TMCC1: variants seen among roughly 807,000 people sequenced by gnomAD.
TMCC1 encodes transmembrane and coiled-coil domains protein 1.
In TMCC1, 15 loss-of-function variants were observed where a neutral mutation model predicts 52.4. That is an observed-to-expected ratio of 0.29 (90% confidence interval 0.19 to 0.44). The LOEUF is 0.44. Among genes scored for constraint, TMCC1 ranks in the 20% least tolerant of loss-of-function variants. The pLI, the probability that TMCC1 is intolerant of heterozygous loss-of-function variation, is 1.00. For synonymous variants in TMCC1, 279 were observed against 301.9 expected (o/e 0.92, Z 0.79); for missense variants, 503 against 806.0 (o/e 0.62, Z 4.55).
intron 4 of TMCC1, among the ~76,000 whole-genome samples, chr3:129,818,280 ACTT>A (rs1278789582): frequency 6.6e-6 from 1 of 152,082 alleles, no homozygotes; most frequent in East Asian, 1.9e-4. Context: ...AAAATACAAA[ACTT>A]CTTTAAATTT....
At chr3:129,758,451 C>T (rs1174846634) in intron 4 of TMCC1, among the ~76,000 whole-genome samples, 7 of 152,332 alleles carry the variant, frequency 4.6e-5, no homozygotes. Flanking sequence ...AGCAATGACA[C>T]TCCCGTAGCA....
intron 1 of TMCC1, among the ~76,000 whole-genome samples, chr3:129,884,761 CTT>C (rs2061613627): frequency 6.6e-6 from 1 of 152,086 alleles, no homozygotes; most frequent in African/African-American, 2.4e-5. Context: ...CAGAGAAATT[CTT>C]TGAGATAAAA....
chr3:129,716,115 G>A (rs2049062038), intron 4 of TMCC1, among the ~76,000 whole-genome samples: 1 of 151,518 alleles, frequency 6.6e-6, no homozygotes, highest in Non-Finnish European at 1.5e-5. Flanking sequence ...CACTGGCAAT[G>A]AAACTCTCTC....
chr3:129,694,507 A>T (rs1257635868), intron 4 of TMCC1, among the ~76,000 whole-genome samples: 2 of 152,216 alleles, frequency 1.3e-5, no homozygotes, highest in African/African-American at 4.8e-5. Context: ...TCTTAGTCAC[A>T]AGATGAGATA....
intron 3 of TMCC1, among the ~76,000 whole-genome samples, chr3:129,830,188 A>T (rs1296608496): frequency 6.6e-6 from 1 of 152,182 alleles, no homozygotes; most frequent in African/African-American, 2.4e-5. Flanking sequence ...CTGATTGTGC[A>T]TTGGTTTTGT....
chr3:129,715,208 T>C (rs1435783037), intron 4 of TMCC1, among the ~76,000 whole-genome samples: 3 of 152,210 alleles, frequency 2.0e-5, no homozygotes, highest in Admixed American at 1.3e-4. Context: ...TTCTTTGTCT[T>C]TTCTGAAGAC....
At chr3:129,676,036 CAAAAAA>C (rs61105005) in intron 4 of TMCC1, among the ~76,000 whole-genome samples, 1 of 46,312 alleles carries the variant, frequency 2.2e-5, no homozygotes, top group Non-Finnish European at 4.4e-5. Context: ...GACTCTGTCT[CAAAAAA>C]AAAAAAAAAA....
At chr3:129,822,371 T>C (rs1238716812) in intron 4 of TMCC1, among the ~76,000 whole-genome samples, 1 of 152,112 alleles carries the variant, frequency 6.6e-6, no homozygotes, top group Non-Finnish European at 1.5e-5. Context: ...GCCCAGAAGT[T>C]TGAGGATGCA....
chr3:129,732,657 T>C (rs538554053), intron 4 of TMCC1, among the ~76,000 whole-genome samples: 1 of 151,994 alleles, frequency 6.6e-6, no homozygotes, highest in African/African-American at 2.4e-5. Flanking sequence ...GTGCCTTTGT[T>C]TGGAAGCAAG....
chr3:129,747,776 C>G (rs946068743), intron 4 of TMCC1, among the ~76,000 whole-genome samples: 1 of 152,122 alleles, frequency 6.6e-6, no homozygotes, highest in African/African-American at 2.4e-5. Context: ...CTTATCATCA[C>G]GCTGTACAGC....
intron 1 of TMCC1, among the ~76,000 whole-genome samples, chr3:129,880,887 G>C (rs1349057963): frequency 6.9e-6 from 1 of 143,932 alleles, no homozygotes; most frequent in African/African-American, 2.6e-5. Flanking sequence ...TTTTGAGACA[G>C]AGTTTTGCTC....
intron 4 of TMCC1, among the ~76,000 whole-genome samples, chr3:129,772,768 C>T (rs987807647): frequency 7.0e-6 from 1 of 142,490 alleles, no homozygotes; most frequent in Non-Finnish European, 1.5e-5. Flanking sequence ...AAAAAATAAA[C>T]GGCCTTTAAA....
chr3:129,705,964 C>T (rs2048201578), intron 4 of TMCC1, among the ~76,000 whole-genome samples: 1 of 147,514 alleles, frequency 6.8e-6, no homozygotes, highest in Non-Finnish European at 1.5e-5. Context: ...CATCTCAGCT[C>T]ACTGCCACCT....
chr3:129,705,050 C>T (rs1161484803), intron 4 of TMCC1, among the ~76,000 whole-genome samples: 1 of 152,126 alleles, frequency 6.6e-6, no homozygotes, highest in Admixed American at 6.6e-5. Flanking sequence ...ATTAATGTCC[C>T]TTTAGATCCT....
intron 4 of TMCC1, among the ~76,000 whole-genome samples, chr3:129,761,583 C>T (rs2053600977): frequency 6.6e-6 from 1 of 152,032 alleles, no homozygotes; most frequent in Non-Finnish European, 1.5e-5. Context: ...TTGGGTCAGC[C>T]CTAATGTACC....
intron 4 of TMCC1, among the ~76,000 whole-genome samples, chr3:129,682,947 T>A (rs1336022673): frequency 2.0e-5 from 3 of 152,246 alleles, no homozygotes; most frequent in Non-Finnish European, 1.5e-5. Flanking sequence ...CTGATTCTCC[T>A]GCCTCAGACT....
chr3:129,715,560 ACTCT>A (rs1025157051), intron 4 of TMCC1, among the ~76,000 whole-genome samples: 1 of 151,590 alleles, frequency 6.6e-6, no homozygotes, highest in Non-Finnish European at 1.5e-5. Flanking sequence ...ACAAACAAAC[ACTCT>A]CTATCTGCTC....
At chr3:129,676,061 AT>A (rs1263041003) in intron 4 of TMCC1, among the ~76,000 whole-genome samples, 9 of 149,736 alleles carry the variant, frequency 6.0e-5, no homozygotes, top group Non-Finnish European at 1.3e-4. Context: ...AAAAAAAAAA[AT>A]TACAGATGTT....
intron 2 of TMCC1, among the ~76,000 whole-genome samples, chr3:129,848,791 G>A (rs2059780963): frequency 6.6e-6 from 1 of 152,088 alleles, no homozygotes; most frequent in South Asian, 2.1e-4. Flanking sequence ...TTCTCATGAA[G>A]GACTATTTCA....
Sources: gnomAD v4.1 joint callset for allele counts (sites outside exome capture counted in the v4.1 genomes callset) on GRCh38, gnomAD v4.1.1 for gene constraint, MANE v1.5 for transcripts, NCBI Gene and HGNC (gene_info 2026-07-23, HGNC 2026-07-21) for gene names.